The following MICAL2 variants were observed in gnomAD, a reference collection of about 807,000 sequenced individuals.
MICAL2 encodes microtubule associated monooxygenase, calponin and LIM domain containing 2.
Under a neutral mutation model 127.3 loss-of-function variants are expected in MICAL2, and 77 were observed. That is an observed-to-expected ratio of 0.60 (90% CI 0.50 to 0.73). MICAL2 has a LOEUF of 0.73. Among genes scored for constraint, MICAL2 ranks in the 30% least tolerant of loss-of-function variants. The probability of loss-of-function intolerance (pLI) is 0.00; values close to 1 mark genes in which losing one functional copy is unlikely to be tolerated. For synonymous variants in MICAL2, 570 were observed against 551.1 expected, an observed-to-expected ratio of 1.03 and a Z score of -0.48; for missense variants, 1,351 against 1,434.4, an observed-to-expected ratio of 0.94 and a Z score of 0.94.
intron 3 of MICAL2, among the ~76,000 whole-genome samples, chr11:12,180,207 A>G (rs1442849438): frequency 6.6e-6 from 1 of 152,080 alleles, no homozygotes; most frequent in Admixed American, 6.6e-5. Context: ...GTGGGTTGCC[A>G]TCTCCTTGAA....
upstream of MICAL2, among the ~76,000 whole-genome samples, chr11:12,273,146 C>T (rs1175674839): frequency 2.6e-5 from 4 of 152,218 alleles, no homozygotes; most frequent in Admixed American, 6.5e-5. Context: ...GACTGATCCC[C>T]GTCCTCTGAC....
chr11:12,243,905 A>G (rs1860333708), intron 20 of MICAL2, 82 bp from the exon 21 acceptor site: 4 of 1,532,376 alleles, frequency 2.6e-6, no homozygotes, highest in African/African-American at 1.4e-5. Context: ...GTGCACAGGC[A>G]TGGGACTGCA....
Position 12,200,270 on chromosome 11 carries a change from C to A in MICAL2, c.265-3980C>A, listed in dbSNP as rs775061895. ...GGAGCGCGGGGCAGGAGCTTAAAATCTCATTGAGTTTTAATGAAAAGCTTT... is the reference window on the plus strand; with the variant it reads ...GGAGCGCGGGGCAGGAGCTTAAAATATCATTGAGTTTTAATGAAAAGCTTT... On this transcript the variant is annotated intron_variant, in intron 3 of 27. Transcript: ENST00000683283. Among the ~76,000 whole-genome samples the A allele has an allele frequency of 2.0e-5, 3 of 152,186 alleles. No homozygotes were observed. The South Asian group carries it at 6.2e-4, about 32-fold the overall frequency.
intron 30 of MICAL2, among the ~76,000 whole-genome samples, chr11:12,320,497 G>C (rs1864280683): frequency 6.6e-6 from 1 of 152,142 alleles, no homozygotes; most frequent in Admixed American, 6.5e-5. Context: ...ATCCACTGAA[G>C]CTGGAGCGTT....
At chr11:12,157,686 G>A (rs1165516179) in intron 2 of MICAL2, among the ~76,000 whole-genome samples, 1 of 125,302 alleles carries the variant, frequency 8.0e-6, no homozygotes, top group African/African-American at 2.8e-5. Flanking sequence ...CTAGTTACCA[G>A]GATCCTCTGA....
At chr11:12,174,396 C>T (rs1218927308) in intron 3 of MICAL2, among the ~76,000 whole-genome samples, 1 of 130,834 alleles carries the variant, frequency 7.6e-6, no homozygotes, top group Non-Finnish European at 1.6e-5. Context: ...ATTCTACTTT[C>T]TGTCTCTAGA....
intron 2 of MICAL2, among the ~76,000 whole-genome samples, chr11:12,160,139 C>T (rs185185910): frequency 3.6e-4 from 54 of 152,080 alleles, no homozygotes; most frequent in Middle Eastern, 6.8e-3. Context: ...TCGGGTAGGG[C>T]CCTACAAAGT....
intron 29 of MICAL2, among the ~76,000 whole-genome samples, chr11:12,302,843 T>C (rs1468752933): frequency 6.6e-6 from 1 of 152,226 alleles, no homozygotes; most frequent in African/African-American, 2.4e-5. Flanking sequence ...GTATTTATTT[T>C]AATAAAGCCA....
rs1305448101 is a variant in MICAL2, at chr11:12,242,766, C to T, written c.2652C>T (p.Phe884=). The stretch of plus-strand genomic sequence containing the variant: ...CCTCCATGTTTGGACACGGGGATTT[C>T]CCGCAGGTAAACATGGGGCTTTCAG... ...HLASMFGHGD[F]PQNKLLSKGL... The change falls in exon 20 of 28, where the codon TTC becomes TTT. Residue 884 remains phenylalanine, a synonymous_variant. Coordinates refer to ENST00000683283, the MANE Select transcript of MICAL2 (RefSeq NM_001282663.2). 1 of 1,605,578 alleles carries T rather than the reference C, an allele frequency of 6.2e-7. No individual in the cohort carries two copies. The highest frequency in any genetic ancestry group is 1.1e-5 in the South Asian group (1 of 89,630).
chr11:12,298,366 C>G (rs956053745), intron 29 of MICAL2, among the ~76,000 whole-genome samples: 1 of 152,036 alleles, frequency 6.6e-6, no homozygotes, highest in Non-Finnish European at 1.5e-5. Context: ...ATTAATTCCT[C>G]TTTGTTATAA....
chr11:12,147,213 AAT>A (rs1491317418), intron 2 of MICAL2, among the ~76,000 whole-genome samples: 1 of 110,362 alleles, frequency 9.1e-6, no homozygotes, highest in Admixed American at 9.9e-5. Flanking sequence ...GTATAATAAT[AAT>A]AAAAAAAAGA....
At chr11:12,349,517 T>C (rs534714947) in intron 32 of MICAL2, among the ~76,000 whole-genome samples, 2 of 152,292 alleles carry the variant, frequency 1.3e-5, no homozygotes, top group South Asian at 2.1e-4. Context: ...CATACACATA[T>C]GTAAGTTTTA....
chr11:12,323,097 G>T (rs1864317578), intron 30 of MICAL2, among the ~76,000 whole-genome samples: 1 of 152,006 alleles, frequency 6.6e-6, no homozygotes, highest in African/African-American at 2.4e-5. Flanking sequence ...ATTTTTAAGT[G>T]CCTCCTGAAC....
intron 1 of MICAL2, chr11:12,276,231 AT>A (rs11320814): frequency 0.4 from 157,565 of 398,438 alleles, 34,189 homozygotes; most frequent in East Asian, 0.76. Context: ...CACATTTGGG[AT>A]TGGGTCTTCT....
At position 12,231,716 on chromosome 11, in the gene MICAL2, C is replaced by T. The variant is rs117929238; in HGVS notation, c.1996-4461C>T. On this transcript the variant is annotated intron_variant, in intron 15 of 27. Transcript: ENST00000683283. ...AGAACCACACGCCCAGCAGCCAAAG[C>T]TCCCCACTAGGTTTCCAGGACTTCT... Among the ~76,000 whole-genome samples, 530 of 152,334 alleles carry T rather than the reference C, an allele frequency of 3.5e-3. 10 individuals carry two copies. In the East Asian group the frequency reaches 0.044, roughly 13 times the overall value.
intron 19 of MICAL2, 95 bp downstream of exon 19, chr11:12,242,527 T>A: frequency 6.9e-7 from 1 of 1,441,184 alleles, no homozygotes; most frequent in Non-Finnish European, 9.6e-7. Context: ...CTCCTCCCTC[T>A]GCCCACCCCC....
chr11:12,354,654 A>G, intron 33 of MICAL2: 1 of 703,862 alleles, frequency 1.4e-6, no homozygotes, highest in Non-Finnish European at 2.3e-6. Context: ...ACAATAAAAA[A>G]TAAAGATAGG....
At chr11:12,296,932 A>G (rs1255739358), downstream of MICAL2, among the ~76,000 whole-genome samples, 1 of 151,466 alleles carries the variant, frequency 6.6e-6, no homozygotes, top group African/African-American at 2.4e-5. Context: ...ATGTAACATA[A>G]TTGATGTAGC....
At chr11:12,161,254 A>G (rs1044520866) in intron 2 of MICAL2, among the ~76,000 whole-genome samples, 1 of 152,278 alleles carries the variant, frequency 6.6e-6, no homozygotes. Context: ...TGGTGCAGAA[A>G]GGACCATGGC....
Sources: gnomAD v4.1 joint callset for allele counts (sites outside exome capture counted in the v4.1 genomes callset) on GRCh38, gnomAD v4.1.1 for gene constraint, MANE v1.5 for transcripts, NCBI Gene and HGNC (gene_info 2026-07-23, HGNC 2026-07-21) for gene names.